The following DRC11 variants were observed in gnomAD, a reference collection of about 807,000 sequenced individuals.
DRC11 encodes the protein dynein regulatory complex subunit 11.
the DRC11 span, among the ~76,000 whole-genome samples, chr2:236,375,481 G>A: frequency 6.6e-6 from 1 of 152,174 alleles, no homozygotes; most frequent in Non-Finnish European, 1.5e-5. This position sits in a 1 kb window ranked among gnomAD's most constrained non-coding sequence, Gnocchi z 4.2. Context: ...AGGTACAGGA[G>A]AAAATTCTCC....
chr2:236,311,255 G>A, the DRC11 span, among the ~76,000 whole-genome samples: 2 of 152,346 alleles, frequency 1.3e-5, no homozygotes, highest in East Asian at 3.9e-4. This position sits in a 1 kb window ranked among gnomAD's most constrained non-coding sequence, Gnocchi z 6.9. Context: ...AGCAGGGCAA[G>A]CGCCACACCT....
At chr2:236,458,948 A>T in the DRC11 span, among the ~76,000 whole-genome samples, 1 of 152,088 alleles carries the variant, frequency 6.6e-6, no homozygotes, top group African/African-American at 2.4e-5. Flanking sequence ...GGGAGGCTGA[A>T]GCAAGAGAAT....
the DRC11 span, among the ~76,000 whole-genome samples, chr2:236,365,759 G>C: frequency 0.18 from 27,678 of 151,866 alleles, 2,742 homozygotes; most frequent in Non-Finnish European, 0.23. This position sits in a 1 kb window ranked among gnomAD's most constrained non-coding sequence, Gnocchi z 7.4. Context: ...CCTCTTCAAC[G>C]GGGGCCTGGC....
the DRC11 span, among the ~76,000 whole-genome samples, chr2:236,433,074 G>T: frequency 1.3e-5 from 2 of 151,774 alleles, no homozygotes; most frequent in Non-Finnish European, 2.9e-5. Context: ...GTATGTATTT[G>T]GGTCTATTTC....
chr2:236,323,078 T>G, the DRC11 span, among the ~76,000 whole-genome samples: 1 of 152,244 alleles, frequency 6.6e-6, no homozygotes, highest in African/African-American at 2.4e-5. This position sits in a 1 kb window ranked among gnomAD's most constrained non-coding sequence, Gnocchi z 6.4. Context: ...TAAGACCAAG[T>G]GAAATGGTAT....
chr2:236,380,853 A>G, the DRC11 span, among the ~76,000 whole-genome samples: 1 of 152,150 alleles, frequency 6.6e-6, no homozygotes, highest in Non-Finnish European at 1.5e-5. This position sits in a 1 kb window ranked among gnomAD's most constrained non-coding sequence, Gnocchi z 4.9. Context: ...GACAGACGTG[A>G]GGTCCCCACT....
the DRC11 span, among the ~76,000 whole-genome samples, chr2:236,348,557 AG>A: frequency 0.46 from 70,166 of 152,004 alleles, 17,140 homozygotes; most frequent in African/African-American, 0.6. This position sits in a 1 kb window ranked among gnomAD's most constrained non-coding sequence, Gnocchi z 7.4. Flanking sequence ...GTAAGTGAGG[AG>A]GGGGCGGAGC....
the DRC11 span, among the ~76,000 whole-genome samples, chr2:236,485,504 G>T: frequency 6.6e-6 from 1 of 152,136 alleles, no homozygotes; most frequent in Non-Finnish European, 1.5e-5. Context: ...CTGGAATGAG[G>T]CCCCAAAGGG....
the DRC11 span, chr2:236,441,149 A>G: frequency 1.4e-6 from 2 of 1,468,336 alleles, no homozygotes; most frequent in Non-Finnish European, 9.3e-7. Context: ...ATAGCAAATT[A>G]AAATGGAAAT....
chr2:236,369,718 C>G, the DRC11 span, among the ~76,000 whole-genome samples: 63 of 152,234 alleles, frequency 4.1e-4, no homozygotes, highest in African/African-American at 1.5e-3. This position sits in a 1 kb window ranked among gnomAD's most constrained non-coding sequence, Gnocchi z 4.5. Flanking sequence ...GGCTGCCTGC[C>G]AAGGTCTGAG....
At chr2:236,406,251 G>A in the DRC11 span, among the ~76,000 whole-genome samples, 1 of 152,302 alleles carries the variant, frequency 6.6e-6, no homozygotes, top group African/African-American at 2.4e-5. This position sits in a 1 kb window ranked among gnomAD's most constrained non-coding sequence, Gnocchi z 4.7. Flanking sequence ...TAAACCGTGC[G>A]CCTTCTTCTT....
At chr2:236,370,449 C>G in the DRC11 span, among the ~76,000 whole-genome samples, 1 of 152,116 alleles carries the variant, frequency 6.6e-6, no homozygotes, top group African/African-American at 2.4e-5. The surrounding 1 kb of genome is among the most constrained non-coding windows in gnomAD (Gnocchi z 5.5). Flanking sequence ...TTCCTTGAGC[C>G]TGGGAGGAGA....
At chr2:236,387,193 G>A in the DRC11 span, among the ~76,000 whole-genome samples, 1 of 148,428 alleles carries the variant, frequency 6.7e-6, no homozygotes, top group Admixed American at 6.7e-5. Context: ...TTGGTGCAGA[G>A]CTGAGTTCAA....
At chr2:236,444,396 T>A in the DRC11 span, among the ~76,000 whole-genome samples, 3 of 152,374 alleles carry the variant, frequency 2.0e-5, no homozygotes, top group African/African-American at 4.8e-5. Flanking sequence ...GTACCATTGG[T>A]GCCAATGTCA....
the DRC11 span, among the ~76,000 whole-genome samples, chr2:236,358,293 AATAT>A: frequency 7.6e-6 from 1 of 130,962 alleles, no homozygotes; most frequent in African/African-American, 3.1e-5. Flanking sequence ...ATACTATATG[AATAT>A]ATATAATATA....
At chr2:236,396,310 G>GGT in the DRC11 span, among the ~76,000 whole-genome samples, 3 of 117,074 alleles carry the variant, frequency 2.6e-5, no homozygotes, top group East Asian at 3.0e-4. Flanking sequence ...GGCGGGGGGG[G>GGT]GTTAATCTTA....
the DRC11 span, among the ~76,000 whole-genome samples, chr2:236,343,396 C>T: frequency 1.3e-5 from 2 of 152,156 alleles, no homozygotes; most frequent in Non-Finnish European, 2.9e-5. This position sits in a 1 kb window ranked among gnomAD's most constrained non-coding sequence, Gnocchi z 6.6. Context: ...ACTCAGAGGC[C>T]GTGCGGGCTG....
At chr2:236,486,336 C>G in the DRC11 span, among the ~76,000 whole-genome samples, 1 of 152,188 alleles carries the variant, frequency 6.6e-6, no homozygotes, top group East Asian at 1.9e-4. This position sits in a 1 kb window ranked among gnomAD's most constrained non-coding sequence, Gnocchi z 5.7. Flanking sequence ...AAGGTGTACC[C>G]AGATTCCTGG....
chr2:236,483,492 T>C, the DRC11 span, among the ~76,000 whole-genome samples: 1 of 152,256 alleles, frequency 6.6e-6, no homozygotes, highest in Admixed American at 6.5e-5. The surrounding 1 kb of genome is among the most constrained non-coding windows in gnomAD (Gnocchi z 4.8). Flanking sequence ...TTATTTCTTA[T>C]GTTTTTTAAG....
Sources: allele counts gnomAD v4.1 joint callset (sites outside exome capture counted in the v4.1 genomes callset), GRCh38; gene constraint gnomAD v4.1.1; non-coding constraint Gnocchi (gnomAD v3.1); transcripts MANE v1.5; gene names NCBI Gene and HGNC (gene_info 2026-07-23, HGNC 2026-07-21).